Variants in TMEM163 observed in about 807,000 individuals in gnomAD.
The protein encoded by TMEM163 is transmembrane protein 163.
A neutral mutation model predicts 29.3 loss-of-function variants in TMEM163; 17 were observed. The observed-to-expected ratio is 0.58, with a 90% CI of 0.40 to 0.87. The LOEUF is 0.87. Ranked by LOEUF, TMEM163 falls within the 40% of genes least tolerant of loss-of-function variation. TMEM163 has a pLI of 0.00. For missense variants in TMEM163, 303 were observed against 381.5 expected (o/e 0.79, Z 1.71); for synonymous variants, 157 against 160.6 (o/e 0.98, Z 0.17).
chr2:134,530,696 C>G (rs776010224), intron 4 of TMEM163, among the ~76,000 whole-genome samples: 23 of 152,168 alleles, frequency 1.5e-4, no homozygotes, highest in Admixed American at 2.6e-4. Flanking sequence ...TAGGTTAAGG[C>G]TTTTTCTTTA....
chr2:134,456,386 G>A lies in TMEM163; in HGVS notation c.*330C>T, dbSNP rs894089637. 3.9e-5 allele frequency: 13 copies of A among 329,176 alleles called. No homozygotes were observed. Among genetic ancestry groups the A allele is most frequent in the East Asian group, 6.3e-5 (1 of 15,906 alleles). 20.4% of individuals were successfully genotyped at this position (329,176 alleles called of 1,614,324 possible). A position where few individuals can be genotyped will look rare whatever the true frequency, so the allele number is the denominator to read the frequency against. On this transcript the variant is annotated 3_prime_UTR_variant, in exon 8 of 8. Coordinates refer to ENST00000281924, the MANE Select transcript of TMEM163 (RefSeq NM_030923.5). ...GTGGGTCTGCTCAGTCCTATGCAGC[G>A]CAGGCTCAGAGCACCACCGAAGACC... is the stretch of plus-strand genomic sequence containing the variant.
At chr2:134,688,513 T>C (rs1447956307) in intron 2 of TMEM163, among the ~76,000 whole-genome samples, 4 of 152,204 alleles carry the variant, frequency 2.6e-5, no homozygotes, top group Non-Finnish European at 4.4e-5. Context: ...GGGGAATATA[T>C]TAATCTTCAA....
chr2:134,519,774 C>T (rs1476193161), intron 4 of TMEM163, among the ~76,000 whole-genome samples: 2 of 150,602 alleles, frequency 1.3e-5, no homozygotes, highest in African/African-American at 4.9e-5. Context: ...GCCTGGAGTC[C>T]GACTACTCGA....
intron 2 of TMEM163, among the ~76,000 whole-genome samples, chr2:134,593,293 C>T (rs1437197471): frequency 6.6e-6 from 1 of 152,256 alleles, no homozygotes; most frequent in South Asian, 2.1e-4. Context: ...ATTCTAATTG[C>T]ATTCACTTAA....
intron 2 of TMEM163, among the ~76,000 whole-genome samples, chr2:134,623,020 GAA>G (rs1462359307): frequency 6.6e-6 from 1 of 152,102 alleles, no homozygotes; most frequent in African/African-American, 2.4e-5. Context: ...GGCAAAAGCA[GAA>G]AGTGTCAAAA....
intron 4 of TMEM163, among the ~76,000 whole-genome samples, chr2:134,521,462 G>A (rs191457654): frequency 1.3e-5 from 2 of 152,296 alleles, no homozygotes; most frequent in African/African-American, 4.8e-5. Context: ...GTAGAGCTCA[G>A]GGATGCTGCG....
At chr2:134,673,819 GC>G (rs775422283) in intron 2 of TMEM163, among the ~76,000 whole-genome samples, 1 of 152,204 alleles carries the variant, frequency 6.6e-6, no homozygotes, top group East Asian at 1.9e-4. Context: ...CTTAACTTTA[GC>G]CTACTGAGGC....
chr2:134,638,567 G>C (rs1683158525), intron 2 of TMEM163, among the ~76,000 whole-genome samples: 2 of 152,194 alleles, frequency 1.3e-5, no homozygotes, highest in Non-Finnish European at 2.9e-5. Flanking sequence ...GTGCTGGCAA[G>C]AGAACCTGAA....
chr2:134,573,190 T>C (rs1319245412), intron 2 of TMEM163, among the ~76,000 whole-genome samples: 1 of 152,158 alleles, frequency 6.6e-6, no homozygotes, highest in Non-Finnish European at 1.5e-5. Flanking sequence ...CAGAAAGGCA[T>C]GAACACAGAA....
chr2:134,468,347 G>C (rs1443573569), intron 5 of TMEM163: 1 of 152,352 alleles, frequency 6.6e-6, no homozygotes. Context: ...CCAGGAAAAG[G>C]GGCCCCACCA....
chr2:134,616,631 T>A (rs893221285), intron 2 of TMEM163, among the ~76,000 whole-genome samples: 1 of 152,198 alleles, frequency 6.6e-6, no homozygotes, highest in Non-Finnish European at 1.5e-5. Context: ...TTCTATTTTT[T>A]AATTCCATTT....
intron 5 of TMEM163, among the ~76,000 whole-genome samples, chr2:134,492,997 A>G (rs72853936): frequency 0.13 from 20,375 of 152,146 alleles, 1,714 homozygotes; most frequent in Middle Eastern, 0.3. Context: ...GCATCACACA[A>G]ATTTTGGTTT....
chr2:134,643,139 T>C (rs1683258260), intron 2 of TMEM163, among the ~76,000 whole-genome samples: 1 of 152,012 alleles, frequency 6.6e-6, no homozygotes, highest in African/African-American at 2.4e-5. Flanking sequence ...AAATTACCAA[T>C]ATCAGAACTG....
chr2:134,700,983 A>G (rs1252657968), intron 2 of TMEM163, among the ~76,000 whole-genome samples: 3 of 146,730 alleles, frequency 2.0e-5, no homozygotes, highest in African/African-American at 7.6e-5. Context: ...CATTAGTTTA[A>G]AAAAAAATGG....
intron 2 of TMEM163, among the ~76,000 whole-genome samples, chr2:134,680,106 G>A (rs972489093): frequency 7.2e-5 from 11 of 152,216 alleles, no homozygotes; most frequent in Admixed American, 3.9e-4. Context: ...GGCTGCTAAG[G>A]CAAGACCCTG....
intron 2 of TMEM163, among the ~76,000 whole-genome samples, chr2:134,624,519 G>T (rs955984507): frequency 1.3e-5 from 2 of 152,058 alleles, no homozygotes; most frequent in African/African-American, 4.8e-5. Flanking sequence ...TTAATACCTG[G>T]GTGATGAAAT....
At chr2:134,676,905 A>G (rs1684127487) in intron 2 of TMEM163, among the ~76,000 whole-genome samples, 1 of 152,202 alleles carries the variant, frequency 6.6e-6, no homozygotes, top group Non-Finnish European at 1.5e-5. Flanking sequence ...CCTCATGATT[A>G]TCTTGTAGAA....
chr2:134,546,977 T>C (rs1680803902), intron 4 of TMEM163, among the ~76,000 whole-genome samples: 1 of 152,136 alleles, frequency 6.6e-6, no homozygotes, highest in African/African-American at 2.4e-5. Context: ...ATATGAAGTA[T>C]CTAAAGCAGT....
chr2:134,498,173 A>G (rs1457473034), intron 5 of TMEM163, among the ~76,000 whole-genome samples: 2 of 152,094 alleles, frequency 1.3e-5, no homozygotes, highest in African/African-American at 4.8e-5. Flanking sequence ...GCAGTCACAC[A>G]GGTAAGAAAA....
Sources: gnomAD v4.1 joint callset for allele counts (sites outside exome capture counted in the v4.1 genomes callset) on GRCh38, gnomAD v4.1.1 for gene constraint, MANE v1.5 for transcripts, NCBI Gene and HGNC (gene_info 2026-07-23, HGNC 2026-07-21) for gene names.